Variants in UBR3 observed in about 807,000 individuals in gnomAD.
The protein encoded by UBR3 is E3 ubiquitin-protein ligase UBR3.
In UBR3, 85 loss-of-function variants were observed where a neutral mutation model predicts 243.2. The observed-to-expected ratio is 0.35, with a 90% CI of 0.29 to 0.42. The LOEUF is 0.42. UBR3 is among the 10% of genes least tolerant of loss of function. The pLI, the probability that UBR3 is intolerant of heterozygous loss-of-function variation, is 1.00. For synonymous variants in UBR3, 748 were observed against 799.8 expected (o/e 0.94, Z 1.09); for missense variants, 1,686 against 2,300.8 (o/e 0.73, Z 5.47).
intron 30 of UBR3, among the ~76,000 whole-genome samples, chr2:170,022,113 A>G (rs528781091): frequency 4.6e-4 from 70 of 152,150 alleles, no homozygotes; most frequent in Non-Finnish European, 9.6e-4. Context: ...AGGACTACCT[A>G]TATGCAGAAG....
At chr2:169,881,571 T>A (rs1166349954) in intron 5 of UBR3, among the ~76,000 whole-genome samples, 1 of 149,316 alleles carries the variant, frequency 6.7e-6, no homozygotes, top group Non-Finnish European at 1.5e-5. Flanking sequence ...ACTTAAGAAT[T>A]TGAAGTAGAG....
intron 20 of UBR3, among the ~76,000 whole-genome samples, chr2:169,944,735 A>C (rs917485854): frequency 6.6e-6 from 1 of 151,568 alleles, no homozygotes; most frequent in Non-Finnish European, 1.5e-5. Flanking sequence ...TTTAGCTCTG[A>C]AGTTACTCAA....
intron 36 of UBR3, 71 bp from the exon 37 acceptor site, chr2:170,079,743 C>T: frequency 7.4e-7 from 1 of 1,353,456 alleles, no homozygotes; most frequent in Non-Finnish European, 9.9e-7. Context: ...TGTAAAAATA[C>T]ATTTAAAAAA....
At position 169,940,299 on chromosome 2, in the gene UBR3, T is replaced by C. The variant is rs548650989; in HGVS notation, c.2664-2194T>C. On this transcript the variant is annotated intron_variant, in intron 19 of 38. Transcript: ENST00000272793. ...TTCCTTCTAAGTACTACTTTAGTTG[T>C]GGCCCACAACTTTTTCTATATAGTT... Among the ~76,000 whole-genome samples, 9 of 152,306 alleles carry C rather than the reference T, an allele frequency of 5.9e-5. No homozygotes were observed. The South Asian group carries it at 1.7e-3, about 28-fold the overall frequency.
At chr2:169,874,173 CT>C (rs200643346) in intron 2 of UBR3, among the ~76,000 whole-genome samples, 152 of 143,218 alleles carry the variant, frequency 1.1e-3, no homozygotes, top group Middle Eastern at 3.6e-3. Flanking sequence ...AAAATTCTGC[CT>C]TTTTTTTTTT....
Position 170,065,195 on chromosome 2 carries a change from C to G in UBR3, c.5019+3752C>G, listed in dbSNP as rs1017384640. Among the ~76,000 whole-genome samples the G allele has an allele frequency of 2.0e-5, 3 of 152,124 alleles. No individual in the cohort carries two copies. In the East Asian group the frequency reaches 5.8e-4, roughly 29 times the overall value. ...AATCTGTCAAGTTACTTCCCAAATCCTACAAGATTTTGGTTTGGAATTATC... is the reference window on the plus strand; with the variant it reads ...AATCTGTCAAGTTACTTCCCAAATCGTACAAGATTTTGGTTTGGAATTATC... On this transcript the variant is annotated intron_variant, in intron 35 of 38. Coordinates refer to ENST00000272793, the MANE Select transcript of UBR3 (RefSeq NM_172070.4).
chr2:170,063,005 G>A (rs2091484059), intron 35 of UBR3, among the ~76,000 whole-genome samples: 1 of 152,150 alleles, frequency 6.6e-6, no homozygotes, highest in Non-Finnish European at 1.5e-5. Context: ...ACCATTGAAA[G>A]ATGTTAGACA....
At chr2:169,840,139 A>G (rs1465817465) in intron 1 of UBR3, among the ~76,000 whole-genome samples, 2 of 151,964 alleles carry the variant, frequency 1.3e-5, no homozygotes, top group Non-Finnish European at 2.9e-5. Context: ...TAGCTTCCCT[A>G]TCTTAGTGCA....
At chr2:169,883,268 G>A (rs61145116) in intron 5 of UBR3, among the ~76,000 whole-genome samples, 6,632 of 152,152 alleles carry the variant, frequency 0.044, 165 homozygotes, top group Middle Eastern at 0.068. Context: ...CTGACCATCC[G>A]AGAACTCAGC....
intron 32 of UBR3, among the ~76,000 whole-genome samples, chr2:170,050,025 G>A (rs920551455): frequency 1.3e-5 from 2 of 152,148 alleles, no homozygotes; most frequent in African/African-American, 4.8e-5. Flanking sequence ...AATGTTGGCA[G>A]TTTATTGGAC....
At chr2:169,849,323 A>G (rs996081525) in intron 1 of UBR3, among the ~76,000 whole-genome samples, 3 of 152,192 alleles carry the variant, frequency 2.0e-5, no homozygotes, top group African/African-American at 7.2e-5. Context: ...TGAAATAGAG[A>G]TTTCTCTGAA....
chr2:169,831,316 T>G (rs1388388128), intron 1 of UBR3, among the ~76,000 whole-genome samples: 1 of 149,414 alleles, frequency 6.7e-6, no homozygotes, highest in Non-Finnish European at 1.5e-5. Flanking sequence ...ATTTTTTTTT[T>G]TTCTTGTGTT....
chr2:169,841,920 C>T lies in UBR3; in HGVS notation c.545+13868C>T, dbSNP rs1026529085. Among the ~76,000 whole-genome samples, 6 of 152,360 alleles carry T rather than the reference C, an allele frequency of 3.9e-5. No individual in the cohort carries two copies. In the South Asian group the frequency reaches 1.0e-3, roughly 26 times the overall value. On this transcript the variant is annotated intron_variant, in intron 1 of 38. Coordinates refer to ENST00000272793, the MANE Select transcript of UBR3 (RefSeq NM_172070.4). ...CCACCCAAGGGCTGAGGAATGCGAG[C>T]GCACGGCACAGGACTGGCAGGCAGC... is the stretch of plus-strand genomic sequence containing the variant.
intron 25 of UBR3, 78 bp from the exon 26 acceptor site, chr2:169,994,245 A>G: frequency 2.0e-6 from 3 of 1,495,686 alleles, no homozygotes; most frequent in South Asian, 2.6e-5. Flanking sequence ...CTTGTGGTAA[A>G]TAACTCAGCT....
chr2:169,906,450 T>C (rs1296315003), intron 10 of UBR3, among the ~76,000 whole-genome samples: 2 of 150,852 alleles, frequency 1.3e-5, no homozygotes, highest in East Asian at 3.9e-4. Context: ...TGCTTCTTTC[T>C]TTCAAGGAGT....
intron 1 of UBR3, among the ~76,000 whole-genome samples, chr2:169,868,787 C>T (rs556124551): frequency 1.4e-4 from 22 of 152,332 alleles, no homozygotes; most frequent in African/African-American, 4.8e-4. Flanking sequence ...CAGATTCCCT[C>T]GGAAAGGAAT....
rs1559048417 is a variant in UBR3, at chr2:169,877,479, G to A, written c.845-15G>A. On this transcript the variant is annotated splice_polypyrimidine_tract_variant and intron_variant, in intron 3 of 38. Transcript: ENST00000272793. ...ATGGAATATTTTTTTCTGATTTGAA[G>A]TTTGTTTTAATTAGGTCTTGGAGAA... is the stretch of plus-strand genomic sequence containing the variant. The A allele has an allele frequency of 2.0e-6, 3 of 1,518,658 alleles. No individual in the cohort carries two copies. In the South Asian group the frequency reaches 3.8e-5, roughly 19 times the overall value. The allele number at this position is 1,518,658 out of a possible 1,614,324, so 94.1% of individuals were successfully genotyped here.
chr2:170,041,712 A>G (rs890370593), intron 32 of UBR3, among the ~76,000 whole-genome samples: 1 of 152,234 alleles, frequency 6.6e-6, no homozygotes, highest in African/African-American at 2.4e-5. Flanking sequence ...AAGTTACAGT[A>G]GAATGAACAT....
At chr2:169,881,724 TTATATTATATATTATATAATA>T (rs1184475898) in intron 5 of UBR3, among the ~76,000 whole-genome samples, 5 of 139,924 alleles carry the variant, frequency 3.6e-5, no homozygotes, top group Admixed American at 2.3e-4. Flanking sequence ...ATATGTATAT[TTATATTATATATTATATAATA>T]TATATTATAT....
Sources: gnomAD v4.1 joint callset for allele counts (sites outside exome capture counted in the v4.1 genomes callset) on GRCh38, gnomAD v4.1.1 for gene constraint, MANE v1.5 for transcripts, NCBI Gene and HGNC (gene_info 2026-07-23, HGNC 2026-07-21) for gene names.